The following FAM107B variants were observed in gnomAD, a reference collection of about 807,000 sequenced individuals.
The protein encoded by FAM107B is family with sequence similarity 107 member B, also known as protein FAM107B.
A neutral mutation model predicts 31.5 loss-of-function variants in FAM107B; 21 were observed. That is an observed-to-expected ratio of 0.67 (90% CI 0.47 to 0.96). The LOEUF is 0.96. FAM107B is among the 40% of genes least tolerant of loss of function. FAM107B has a pLI of 0.00. For missense variants in FAM107B, 452 were observed against 377.1 expected, an observed-to-expected ratio of 1.20 and a Z score of -1.64; for synonymous variants, 157 against 141.5, an observed-to-expected ratio of 1.11 and a Z score of -0.78.
intron 1 of FAM107B, among the ~76,000 whole-genome samples, chr10:14,742,204 C>T (rs1208630246): frequency 2.0e-5 from 3 of 152,062 alleles, no homozygotes; most frequent in African/African-American, 7.2e-5. Context: ...GTAGCCTCAA[C>T]CTCCTGGGCT....
intron 1 of FAM107B, among the ~76,000 whole-genome samples, chr10:14,750,648 CA>C (rs1832809863): frequency 6.6e-6 from 1 of 152,112 alleles, no homozygotes; most frequent in Non-Finnish European, 1.5e-5. Flanking sequence ...CTATCAAAGG[CA>C]ACACCGTTCT....
intron 2 of FAM107B, among the ~76,000 whole-genome samples, chr10:14,645,503 C>T (rs1853730115): frequency 6.6e-6 from 1 of 152,138 alleles, no homozygotes; most frequent in East Asian, 1.9e-4. Flanking sequence ...CATCTCCATT[C>T]ATTTATAACT....
chr10:14,600,951 A>T (rs1265587311), intron 2 of FAM107B, among the ~76,000 whole-genome samples: 3 of 152,084 alleles, frequency 2.0e-5, no homozygotes, highest in Non-Finnish European at 4.4e-5. Flanking sequence ...AATTTTTCGT[A>T]GAGATGAGGG....
At position 14,521,243 on chromosome 10, in the gene FAM107B, T is replaced by C; in HGVS notation, c.868A>G (p.Lys290Glu). Residue 290 changes from lysine to glutamate, a missense_variant, in exon 5 of 5, where the codon AAA becomes GAA. Physicochemically the swap from Lys to Glu is moderately conservative, Grantham distance 56. Coordinates refer to ENST00000181796, the MANE Select transcript of FAM107B (RefSeq NM_031453.4). Reference protein sequence around the residue: ...QENAPEFVKVKGNLRRTGQEV... With the variant: ...QENAPEFVKVEGNLRRTGQEV... ...TGGCCTGTTCTCCTGAGATTGCCTT[T>C]CACCTTCACAAACTCGGGGGCATTT... The C allele has an allele frequency of 6.2e-7, 1 of 1,614,200 alleles. No individual in the cohort carries two copies. The highest frequency in any genetic ancestry group is 8.5e-7 in the Non-Finnish European group (1 of 1,180,024).
At chr10:14,597,142 G>A (rs1028883016) in intron 2 of FAM107B, among the ~76,000 whole-genome samples, 77 of 152,122 alleles carry the variant, frequency 5.1e-4, no homozygotes, top group Admixed American at 8.5e-4. Context: ...AAGTTACAAG[G>A]GAAAGAATAT....
In FAM107B at chr10:14,745,232, A is replaced by AT. The variant is rs1327355950; in HGVS notation, c.411+29020dup. On this transcript the variant is annotated intron_variant, in intron 1 of 4. Transcript: ENST00000181796. ...AGTCTAGTTAGTGGTCTATTTCATT[A>AT]TTTTTTTTCAAAAAACCAACTCCTG... is the stretch of plus-strand genomic sequence containing the variant. 4.7e-5 allele frequency among the ~76,000 whole-genome samples: 7 copies of AT among 149,372 alleles called. No individual in the cohort carries two copies. The East Asian group carries it at 5.9e-4, about 13-fold the overall frequency.
chr10:14,749,276 T>A (rs1382581953), intron 1 of FAM107B, among the ~76,000 whole-genome samples: 1 of 152,100 alleles, frequency 6.6e-6, no homozygotes, highest in Admixed American at 6.5e-5. Flanking sequence ...AAAAGCCAGC[T>A]TGTCTGAGGA....
At chr10:14,541,861 TGCCTCTGGCTGACCTCCAGAGGCCA>T (rs1206228608) in intron 2 of FAM107B, among the ~76,000 whole-genome samples, 4 of 152,190 alleles carry the variant, frequency 2.6e-5, no homozygotes, top group Non-Finnish European at 4.4e-5. Context: ...CGACTCCTTG[TGCCTCTGGCTGACCTCCAGAGGCCA>T]GCAAACCTCT....
At chr10:14,622,250 A>C (rs1305004184) in intron 2 of FAM107B, among the ~76,000 whole-genome samples, 1 of 152,040 alleles carries the variant, frequency 6.6e-6, no homozygotes, top group Non-Finnish European at 1.5e-5. Flanking sequence ...CAGACATTGG[A>C]GCAAACATAA....
At chr10:14,661,484 T>A (rs1854238498) in intron 2 of FAM107B, 1 of 152,312 alleles carries the variant, frequency 6.6e-6, no homozygotes, top group Non-Finnish European at 1.5e-5. Flanking sequence ...TCTTTCTGTG[T>A]GACTGATTGA....
intron 2 of FAM107B, among the ~76,000 whole-genome samples, chr10:14,662,299 C>T (rs1476742435): frequency 6.6e-6 from 1 of 152,068 alleles, no homozygotes; most frequent in Non-Finnish European, 1.5e-5. Context: ...GCCTTCTATG[C>T]TCAGGTGGAG....
intron 1 of FAM107B, among the ~76,000 whole-genome samples, chr10:14,748,920 C>T (rs1832776636): frequency 1.3e-5 from 2 of 152,246 alleles, no homozygotes; most frequent in Admixed American, 1.3e-4. Flanking sequence ...GACCATGTGG[C>T]CTCCTTGCTT....
intron 1 of FAM107B, among the ~76,000 whole-genome samples, chr10:14,759,625 G>A (rs1202350681): frequency 1.3e-5 from 2 of 152,162 alleles, no homozygotes; most frequent in African/African-American, 4.8e-5. Context: ...GGCACCTAGA[G>A]GGCATTTAAT....
chr10:14,567,693 C>T (rs1180695567), intron 2 of FAM107B, among the ~76,000 whole-genome samples: 3 of 152,104 alleles, frequency 2.0e-5, no homozygotes, highest in Non-Finnish European at 4.4e-5. Flanking sequence ...GAGGCAAAGT[C>T]CAGCAGGAGC....
intron 2 of FAM107B, chr10:14,663,567 C>A (rs1564618431): frequency 6.6e-6 from 1 of 152,168 alleles, no homozygotes; most frequent in South Asian, 2.1e-4. Flanking sequence ...TGACAGCAAA[C>A]CACAATGCAT....
chr10:14,739,362 T>C (rs963580826), intron 1 of FAM107B, among the ~76,000 whole-genome samples: 3 of 152,168 alleles, frequency 2.0e-5, no homozygotes, highest in Non-Finnish European at 2.9e-5. Flanking sequence ...GACTGATACA[T>C]AGAACTATAC....
chr10:14,699,190 C>T (rs1460160367), intron 1 of FAM107B, among the ~76,000 whole-genome samples: 1 of 152,096 alleles, frequency 6.6e-6, no homozygotes, highest in Non-Finnish European at 1.5e-5. Context: ...ATGGACCATG[C>T]TGTATTAAAC....
rs1276597900 is a variant in FAM107B at position 14,774,360 on chromosome 10, C to G, written c.304G>C (p.Ala102Pro). ...CCGGGCACATCTTCAGGCGTCTCCG[C>G]GGGCTGGGCCGCAGTGCGGTGACTT... ...NSSHRTAAQP[A>P]ETPEDVPGSL... The change falls in exon 1 of 5, where the codon GCG becomes CCG. Residue 102 changes from alanine (A) to proline (P), a missense_variant. Coordinates refer to ENST00000181796, the MANE Select transcript of FAM107B (RefSeq NM_031453.4). 2 of 1,614,214 alleles carry G rather than the reference C, an allele frequency of 1.2e-6. No homozygotes were observed. The highest frequency in any genetic ancestry group is 1.7e-6 in the Non-Finnish European group (2 of 1,180,044).
intron 1 of FAM107B, among the ~76,000 whole-genome samples, chr10:14,761,011 C>CAAAAAAA (rs565835423): frequency 1.2e-4 from 9 of 77,628 alleles, no homozygotes; most frequent in Middle Eastern, 8.6e-3. Context: ...GACTCCGTTT[C>CAAAAAAA]AAAAAAAAAA....
Sources: allele counts gnomAD v4.1 joint callset (sites outside exome capture counted in the v4.1 genomes callset), GRCh38; gene constraint gnomAD v4.1.1; transcripts MANE v1.5; gene names NCBI Gene and HGNC (gene_info 2026-07-23, HGNC 2026-07-21).